The following DPP10 variants were observed in gnomAD, a reference collection of about 807,000 sequenced individuals.
The protein encoded by DPP10 is dipeptidyl peptidase like 10.
Under a neutral mutation model 120.9 loss-of-function variants are expected in DPP10, and 33 were observed. That is an observed-to-expected ratio of 0.27 (90% confidence interval 0.21 to 0.37). The LOEUF (loss-of-function observed/expected upper bound fraction) is 0.37. DPP10 is among the 10% of genes least tolerant of loss of function. DPP10 has a pLI of 1.00. For synonymous variants in DPP10, 337 were observed against 326.1 expected (o/e 1.03, Z -0.36); for missense variants, 816 against 942.8 (o/e 0.87, Z 1.76).
At position 114,601,956 on chromosome 2, in the gene DPP10, A is replaced by G. The variant is rs563565259; in HGVS notation, c.60+159118A>G. Among the ~76,000 whole-genome samples the G allele has an allele frequency of 9.9e-5, 15 of 152,108 alleles. No individual in the cohort carries two copies. In the South Asian group the frequency reaches 2.7e-3, roughly 27 times the overall value. On this transcript the variant is annotated intron_variant, in intron 1 of 25. Transcript: ENST00000410059. ...CACACTTAAAAATCATTTTCAAACCAGCTTTAAAAGTAGATGACTAGAAAA... is the reference window on the plus strand; with the variant it reads ...CACACTTAAAAATCATTTTCAAACCGGCTTTAAAAGTAGATGACTAGAAAA...
In DPP10 at chr2:115,221,754, G is replaced by GTTTTT. The variant is rs56077672; in HGVS notation, c.61-87464_61-87460dup. Among the ~76,000 whole-genome samples, 39 of 120,138 alleles carry GTTTTT rather than the reference G, an allele frequency of 3.2e-4. 1 individual carries two copies. Among genetic ancestry groups the GTTTTT allele is most frequent in the African/African-American group, 8.6e-4 (26 of 30,312 alleles). The allele number at this position is 120,138 out of a possible 152,430, so 78.8% of individuals were successfully genotyped here. On this transcript the variant is annotated intron_variant, in intron 1 of 25. Transcript: ENST00000410059. ...CTTTGAGGCTTTCATGTTTGTTTCT[G>GTTTTT]TTTTTTTTTTTTTTTTTTTTTTTTT... is the stretch of plus-strand genomic sequence containing the variant.
At chr2:115,749,865 A>T in intron 10 of DPP10, 1 of 357,404 alleles carries the variant, frequency 2.8e-6, no homozygotes, top group Non-Finnish European at 3.9e-6. Context: ...TCTGCAGGTG[A>T]TGCTGGGGCC....
chr2:114,995,609 T>A lies in DPP10; in HGVS notation c.61-313630T>A, dbSNP rs191083104. On this transcript the variant is annotated intron_variant, in intron 1 of 25. Coordinates refer to ENST00000410059, the MANE Select transcript of DPP10 (RefSeq NM_020868.6). ...TTAAACTTTGCAAGAGTATAAAAAA[T>A]TATATATTTTTTCTCAATAGTCTTC... Among the ~76,000 whole-genome samples the A allele has an allele frequency of 6.3e-3, 953 of 152,234 alleles. 5 individuals carry two copies. The highest frequency in any genetic ancestry group is 0.02 in the Middle Eastern group (6 of 294).
At chr2:114,506,182 C>T (rs757464656) in intron 1 of DPP10, among the ~76,000 whole-genome samples, 28 of 152,192 alleles carry the variant, frequency 1.8e-4, no homozygotes, top group South Asian at 4.1e-4. Flanking sequence ...GTCCCACTCC[C>T]AATCCTGTGC....
At chr2:115,172,480 T>C (rs2053422850) in intron 1 of DPP10, among the ~76,000 whole-genome samples, 1 of 152,166 alleles carries the variant, frequency 6.6e-6, no homozygotes, top group Non-Finnish European at 1.5e-5. Flanking sequence ...GAGAAATGAT[T>C]ATATGCTAAA....
chr2:115,797,822 T>TG (rs1381165799), intron 19 of DPP10, among the ~76,000 whole-genome samples: 1 of 151,980 alleles, frequency 6.6e-6, no homozygotes, highest in Non-Finnish European at 1.5e-5. Flanking sequence ...AACTCAAACT[T>TG]GCTGTATTAA....
At chr2:114,791,542 G>A (rs903559735) in intron 1 of DPP10, among the ~76,000 whole-genome samples, 1 of 151,976 alleles carries the variant, frequency 6.6e-6, no homozygotes, top group Non-Finnish European at 1.5e-5. Context: ...CTTTTCGCTT[G>A]GGCTTTCACG....
intron 1 of DPP10, among the ~76,000 whole-genome samples, chr2:114,932,023 C>T (rs1266634103): frequency 2.0e-5 from 3 of 152,108 alleles, no homozygotes; most frequent in African/African-American, 4.8e-5. Context: ...TAGTTTAAGC[C>T]AAAGTAATAT....
At chr2:115,373,836 C>T (rs897305541) in intron 3 of DPP10, among the ~76,000 whole-genome samples, 11 of 150,948 alleles carry the variant, frequency 7.3e-5, no homozygotes, top group African/African-American at 1.9e-4. Context: ...ACTTACAATT[C>T]GGGCAGAAAA....
At chr2:115,699,259 T>C (rs2091776565) in intron 7 of DPP10, among the ~76,000 whole-genome samples, 1 of 152,134 alleles carries the variant, frequency 6.6e-6, no homozygotes, top group African/African-American at 2.4e-5. Context: ...ATAGTTAATA[T>C]GGATATTAAT....
chr2:114,936,417 ATATG>A (rs1488961345), intron 1 of DPP10, among the ~76,000 whole-genome samples: 2 of 151,842 alleles, frequency 1.3e-5, no homozygotes, highest in African/African-American at 4.8e-5. Context: ...ATATACATAT[ATATG>A]TGCGTATATA....
chr2:114,538,572 T>C (rs1686699882), intron 1 of DPP10, among the ~76,000 whole-genome samples: 1 of 152,212 alleles, frequency 6.6e-6, no homozygotes, highest in African/African-American at 2.4e-5. Flanking sequence ...TGTTGCTCTA[T>C]TGTTTCTTAC....
intron 5 of DPP10, among the ~76,000 whole-genome samples, chr2:115,602,513 T>A (rs1037692628): frequency 1.3e-5 from 2 of 152,212 alleles, no homozygotes; most frequent in African/African-American, 4.8e-5. Flanking sequence ...AAAAAAATTA[T>A]TTTTTTAGTC....
At chr2:115,587,821 G>C (rs893120580) in intron 5 of DPP10, among the ~76,000 whole-genome samples, 3 of 152,142 alleles carry the variant, frequency 2.0e-5, no homozygotes, top group African/African-American at 7.2e-5. Flanking sequence ...CAGCTTGCTA[G>C]TTTTATTCTT....
chr2:115,394,697 C>T (rs1439690626), intron 3 of DPP10, among the ~76,000 whole-genome samples: 1 of 152,056 alleles, frequency 6.6e-6, no homozygotes, highest in African/African-American at 2.4e-5. Flanking sequence ...GGAGTCTAAC[C>T]AAAGGGACTT....
At chr2:115,208,100 A>T (rs1331098078) in intron 1 of DPP10, among the ~76,000 whole-genome samples, 1 of 152,198 alleles carries the variant, frequency 6.6e-6, no homozygotes, top group Non-Finnish European at 1.5e-5. Context: ...GGGCCAATTG[A>T]ATAATCTTGA....
chr2:114,468,571 C>A lies in DPP10; in HGVS notation c.60+25733C>A, dbSNP rs184110157. ...TGGTGGTTATGTTTCCCCTGAGGCTCATCCACAAAAGACCATTTAGCCTTA... is the reference window on the plus strand; with the variant it reads ...TGGTGGTTATGTTTCCCCTGAGGCTAATCCACAAAAGACCATTTAGCCTTA... On this transcript the variant is annotated intron_variant, in intron 1 of 25. Transcript: ENST00000410059. 3.8e-3 allele frequency among the ~76,000 whole-genome samples: 576 copies of A among 152,250 alleles called. 2 individuals are homozygous for A. Among genetic ancestry groups the A allele is most frequent in the African/African-American group, 0.013 (548 of 41,554 alleles).
chr2:115,440,522 T>A lies in DPP10; in HGVS notation c.272-58988T>A, dbSNP rs535162434. ...GCGAGTTAGTGAGAACGCCACACTATGAGATGAATCAAGAGTCCTTTATTA... is the reference window on the plus strand; with the variant it reads ...GCGAGTTAGTGAGAACGCCACACTAAGAGATGAATCAAGAGTCCTTTATTA... On this transcript the variant is annotated intron_variant, in intron 3 of 25. Transcript: ENST00000410059. Among the ~76,000 whole-genome samples the A allele has an allele frequency of 3.9e-5, 6 of 152,300 alleles. No individual in the cohort carries two copies. The East Asian group carries it at 1.2e-3, about 29-fold the overall frequency.
At chr2:115,520,687 T>C (rs1238428846) in intron 4 of DPP10, among the ~76,000 whole-genome samples, 1 of 152,192 alleles carries the variant, frequency 6.6e-6, no homozygotes, top group East Asian at 1.9e-4. Flanking sequence ...ACTGCATCTC[T>C]CATTCTGCCT....
Sources: allele counts gnomAD v4.1 joint callset (sites outside exome capture counted in the v4.1 genomes callset), GRCh38; gene constraint gnomAD v4.1.1; transcripts MANE v1.5; gene names NCBI Gene and HGNC (gene_info 2026-07-23, HGNC 2026-07-21).